The following GCAT variants were observed in gnomAD, a reference collection of about 807,000 sequenced individuals.
The protein encoded by GCAT is 2-amino-3-ketobutyrate coenzyme A ligase, mitochondrial.
Under a neutral mutation model 39.7 loss-of-function variants are expected in GCAT, and 26 were observed. That is an observed-to-expected ratio of 0.65 (90% CI 0.48 to 0.91). GCAT has a LOEUF of 0.91. Among genes scored for constraint, GCAT ranks in the 40% least tolerant of loss-of-function variants. The probability of loss-of-function intolerance (pLI) is 0.00; values close to 1 mark genes in which losing one functional copy is unlikely to be tolerated. For missense variants in GCAT, 550 were observed against 576.2 expected (o/e 0.95, Z 0.47); for synonymous variants, 218 against 237.2 (o/e 0.92, Z 0.74).
chr22:37,809,672 T>G (rs1007166650), intron 1 of GCAT, among the ~76,000 whole-genome samples: 2 of 151,862 alleles, frequency 1.3e-5, no homozygotes, highest in African/African-American at 2.4e-5. Context: ...ATAAAAAAAT[T>G]TAATCGGGCA....
chr22:37,813,359 AGC>A (rs1569081177), intron 3 of GCAT, 102 bp from the exon 4 acceptor site: 1 of 1,269,602 alleles, frequency 7.9e-7, no homozygotes, highest in East Asian at 2.5e-5. Context: ...TACCCAGAGG[AGC>A]GCCCTGGCTG....
intron 5 of GCAT, 57 bp from the exon 6 acceptor site, chr22:37,815,361 T>C: frequency 6.3e-7 from 1 of 1,597,232 alleles, no homozygotes; most frequent in South Asian, 1.1e-5. Context: ...CCCAGCATGA[T>C]CCATAATCCC....
rs1381547845 is a variant in GCAT, at chr22:37,816,291, T to C, written c.1078T>C (p.Ser360Pro). The change falls in exon 8 of 9, where the codon TCT becomes CCT. Residue 360 changes from serine to proline, a missense_variant. Physicochemically the swap from Ser to Pro is moderately conservative, Grantham distance 74. This residue lies in a region of GCAT where 378 missense variants were observed against 390.4 expected (regional missense o/e 0.97). Transcript: ENST00000248924. The stretch of plus-strand genomic sequence containing the variant: ...GATGCTGGGTGATGCCCGGCTGGCC[T>C]CTCGCATGGCGGATGACATGCTGAA... ...PVMLGDARLASRMADDMLKRG... is the reference protein window; with the variant it reads ...PVMLGDARLAPRMADDMLKRG... 6.2e-7 allele frequency: 1 copy of C among 1,612,584 alleles called. No individual in the cohort carries two copies. Among genetic ancestry groups the C allele is most frequent in the East Asian group, 2.2e-5 (1 of 44,876 alleles).
At chr22:37,813,702 A>C (rs1921863481) in intron 4 of GCAT, 93 bp downstream of exon 4, 2 of 1,213,920 alleles carry the variant, frequency 1.6e-6, no homozygotes, top group African/African-American at 3.0e-5. Context: ...GATAGCCTGA[A>C]AGTTTGAAAC....
Position 37,813,642 on chromosome 22 carries a change from C to T in GCAT, c.576+33C>T, listed in dbSNP as rs73883934. ...GACGCCTGGGTCCACCCTCAGCCTC[C>T]GCCTGGGGAAGGAAGTGAGGCTTAG... On this transcript the variant is annotated intron_variant, in intron 4 of 8. Coordinates refer to ENST00000248924, the MANE Select transcript of GCAT (RefSeq NM_014291.4). 5,196 of 1,562,954 alleles carry T rather than the reference C, an allele frequency of 3.3e-3. 148 individuals are homozygous for T. In the African/African-American group the frequency reaches 0.061, roughly 18 times the overall value.
chr22:37,814,784 A>T (rs2145929605), intron 4 of GCAT, among the ~76,000 whole-genome samples: 1 of 152,322 alleles, frequency 6.6e-6, no homozygotes, highest in Middle Eastern at 3.4e-3. Flanking sequence ...TGCCTTGAGT[A>T]TTAGCAAGCA....
rs779358010 is a variant in GCAT, at chr22:37,810,023, T to G, written c.197-4T>G. 25 of 1,613,844 alleles carry G rather than the reference T, an allele frequency of 1.5e-5. No individual in the cohort carries two copies. The highest frequency in any genetic ancestry group is 1.9e-5 in the Non-Finnish European group (23 of 1,179,856). The stretch of plus-strand genomic sequence containing the variant: ...CTGTATCCATCTCCTCTCCTTCACC[T>G]CAGGAATCCTTAACTTCTGTGCCAA... On this transcript the variant is annotated splice_region_variant and splice_polypyrimidine_tract_variant and intron_variant, in intron 1 of 8. Transcript: ENST00000248924.
intron 4 of GCAT, among the ~76,000 whole-genome samples, chr22:37,814,328 A>G (rs535196520): frequency 1.2e-4 from 19 of 152,160 alleles, no homozygotes; most frequent in African/African-American, 3.6e-4. Context: ...CAATGGCGTG[A>G]TCTCAGCTCA....
chr22:37,808,250 T>A, intron 1 of GCAT, 87 bp downstream of exon 1: 2 of 1,090,660 alleles, frequency 1.8e-6, no homozygotes, highest in Non-Finnish European at 2.5e-6. Flanking sequence ...GGGCGGCTCC[T>A]ACACTCTTAG....
chr22:37,811,257 C>T (rs959806876), intron 2 of GCAT, among the ~76,000 whole-genome samples: 6 of 151,824 alleles, frequency 4.0e-5, no homozygotes, highest in Non-Finnish European at 7.4e-5. Context: ...CTGATGCAGG[C>T]GGATCACCTG....
At chr22:37,810,512 ATTTTTTTTTT>A (rs36110853) in intron 2 of GCAT, among the ~76,000 whole-genome samples, 1 of 103,076 alleles carries the variant, frequency 9.7e-6, no homozygotes, top group African/African-American at 4.0e-5. Context: ...CACCCAGCTA[ATTTTTTTTTT>A]TTTTTTTTTT....
At chr22:37,809,314 G>C (rs564012027) in intron 1 of GCAT, among the ~76,000 whole-genome samples, 8 of 152,174 alleles carry the variant, frequency 5.3e-5, no homozygotes, top group Non-Finnish European at 1.2e-4. Flanking sequence ...AGAATTCGGG[G>C]ACTGGTATCT....
At position 37,810,483 on chromosome 22, in the gene GCAT, G is replaced by A. The variant is rs191704218; in HGVS notation, c.327+326G>A. 3.7e-4 allele frequency among the ~76,000 whole-genome samples: 55 copies of A among 149,886 alleles called. 1 individual carries two copies. In the East Asian group the frequency reaches 8.8e-3, roughly 24 times the overall value. On this transcript the variant is annotated intron_variant, in intron 2 of 8. Coordinates refer to ENST00000248924, the MANE Select transcript of GCAT (RefSeq NM_014291.4). Reference sequence around the variant, plus strand: ...ATGCCTCAGCCTCCTGAGTAGCTGCGATTACAGGCATGCTACCACACCCAG... The same window carrying A: ...ATGCCTCAGCCTCCTGAGTAGCTGCAATTACAGGCATGCTACCACACCCAG...
Position 37,815,644 on chromosome 22 carries a change from C to A in GCAT, c.815-19C>A. On this transcript the variant is annotated intron_variant, in intron 6 of 8. Coordinates refer to ENST00000248924, the MANE Select transcript of GCAT (RefSeq NM_014291.4). The stretch of plus-strand genomic sequence containing the variant: ...GGCCCCTGACCAACCCCTCCCCCCA[C>A]CTCTTCCCTTCTTCTCAGGGGGCTA... The A allele has an allele frequency of 6.3e-7, 1 of 1,587,102 alleles. No homozygotes were observed. Among genetic ancestry groups the A allele is most frequent in the Non-Finnish European group, 8.6e-7 (1 of 1,157,574 alleles).
In GCAT at chr22:37,815,135, C is replaced by G; in HGVS notation, c.586C>G (p.Leu196Val). Residue 196 changes from leucine (L) to valine (V), a missense_variant, in exon 5 of 9, where the codon CTG (leucine) becomes GTG (valine). This residue lies in a region of GCAT where 378 missense variants were observed against 390.4 expected (regional missense o/e 0.97). Transcript: ENST00000248924. ...AKLQEAQKHR[L>V]RLVATDGAFS... ...CATGTCTTTCCTGCAGAAGCATCGG[C>G]TGCGCCTGGTGGCCACTGATGGGGC... 1 of 1,613,934 alleles carries G rather than the reference C, an allele frequency of 6.2e-7. No individual in the cohort carries two copies. Among genetic ancestry groups the G allele is most frequent in the Non-Finnish European group, 8.5e-7 (1 of 1,180,002 alleles).
chr22:37,813,629 C>T lies in GCAT; in HGVS notation c.576+20C>T, dbSNP rs1280127631. ...GCCCAGGTGGGGCGACGCCTGGGTCCACCCTCAGCCTCCGCCTGGGGAAGG... is the reference window on the plus strand; with the variant it reads ...GCCCAGGTGGGGCGACGCCTGGGTCTACCCTCAGCCTCCGCCTGGGGAAGG... On this transcript the variant is annotated intron_variant, in intron 4 of 8. Transcript: ENST00000248924. The T allele has an allele frequency of 5.7e-6, 9 of 1,582,080 alleles. No individual in the cohort carries two copies. Among genetic ancestry groups the T allele is most frequent in the African/African-American group, 1.3e-5 (1 of 74,416 alleles).
intron 2 of GCAT, among the ~76,000 whole-genome samples, chr22:37,811,316 C>T (rs1450839271): frequency 6.6e-6 from 1 of 150,826 alleles, no homozygotes; most frequent in Non-Finnish European, 1.5e-5. Context: ...AACCCTTTCT[C>T]TACAAAAATA....
rs375731280 is a variant in GCAT, at chr22:37,816,625, G to T, written c.1167G>T (p.Arg389=). ...PVVPKGKARI[R]VQISAVHSEE... is the part of the protein sequence containing the mutation. ...TCCCCAAGGGCAAGGCCCGGATCCGGGTACAGATCTCAGCAGTGCATAGCG... is the reference window on the plus strand; with the variant it reads ...TCCCCAAGGGCAAGGCCCGGATCCGTGTACAGATCTCAGCAGTGCATAGCG... Residue 389 remains arginine, a synonymous_variant, in exon 9 of 9, where the codon CGG becomes CGT. Transcript: ENST00000248924. 2.2e-5 allele frequency: 36 copies of T among 1,614,046 alleles called. No homozygotes were observed. The highest frequency in any genetic ancestry group is 1.6e-4 in the Middle Eastern group (1 of 6,084).
Position 37,816,734 on chromosome 22 carries a change from G to C in GCAT, c.*16G>C, listed in dbSNP as rs1270078504. On this transcript the variant is annotated 3_prime_UTR_variant, in exon 9 of 9. Transcript: ENST00000248924. ...ACTGCCCTGAGCTCTGGGTAAGGACGAGAAGAGCCAAGGTCCGCCTACTGC... is the reference window on the plus strand; with the variant it reads ...ACTGCCCTGAGCTCTGGGTAAGGACCAGAAGAGCCAAGGTCCGCCTACTGC... 6.2e-7 allele frequency: 1 copy of C among 1,613,160 alleles called. No homozygotes were observed. Among genetic ancestry groups the C allele is most frequent in the African/African-American group, 1.3e-5 (1 of 74,922 alleles).
Sources: gnomAD v4.1 joint callset for allele counts (sites outside exome capture counted in the v4.1 genomes callset) on GRCh38, gnomAD v4.1.1 for gene constraint, gnomAD v4.1.1 regional missense constraint, MANE v1.5 for transcripts, NCBI Gene and HGNC (gene_info 2026-07-23, HGNC 2026-07-21) for gene names.